TMEM132D: variants seen among roughly 807,000 people sequenced by gnomAD.
TMEM132D encodes mature OL transmembrane protein.
In TMEM132D, 21 loss-of-function variants were observed where a neutral mutation model predicts 62.3. The observed-to-expected ratio is 0.34, with a 90% confidence interval of 0.24 to 0.49. The LOEUF is 0.49. Among genes scored for constraint, TMEM132D ranks in the 20% least tolerant of loss-of-function variants. The pLI is 0.99. For synonymous variants in TMEM132D, 621 were observed against 575.6 expected (o/e 1.08, Z -1.13); for missense variants, 1,346 against 1,402.8 (o/e 0.96, Z 0.65).
intron 3 of TMEM132D, among the ~76,000 whole-genome samples, chr12:129,403,299 C>A (rs535737656): frequency 3.4e-5 from 5 of 146,542 alleles, no homozygotes; most frequent in Admixed American, 7.0e-5. Context: ...AACTGGCTTT[C>A]GAAAATACTC....
intron 1 of TMEM132D, among the ~76,000 whole-genome samples, chr12:129,893,903 A>G (rs1009828705): frequency 3.9e-5 from 6 of 152,246 alleles, no homozygotes; most frequent in African/African-American, 1.2e-4. Flanking sequence ...CCCATCCCTC[A>G]GTGGATGGAT....
rs992789590 is a variant in TMEM132D at position 129,747,276 on chromosome 12, C to A, written c.80-46578G>T. Reference sequence around the variant, plus strand: ...GGGCAGCTGCCAGCCCAGCTTGGACCTTTCCATCCGCCTCAAGTTGACTTT... The same window carrying A: ...GGGCAGCTGCCAGCCCAGCTTGGACATTTCCATCCGCCTCAAGTTGACTTT... On this transcript the variant is annotated intron_variant, in intron 1 of 8. Transcript: ENST00000422113. 5.0e-5 allele frequency among the ~76,000 whole-genome samples: 3 copies of A among 60,246 alleles called. No individual in the cohort carries two copies. In the South Asian group the frequency reaches 1.9e-3, roughly 38 times the overall value. The allele number at this position is 60,246 out of a possible 152,430, so 39.5% of individuals were successfully genotyped here. A position where few individuals can be genotyped will look rare whatever the true frequency, so the allele number is the denominator to read the frequency against.
chr12:129,147,275 T>C (rs1876933628), intron 5 of TMEM132D, among the ~76,000 whole-genome samples: 1 of 150,276 alleles, frequency 6.7e-6, no homozygotes. Flanking sequence ...TGCATATGTA[T>C]ATATATACAT....
At chr12:129,646,325 C>G (rs1879777378) in intron 2 of TMEM132D, among the ~76,000 whole-genome samples, 1 of 152,118 alleles carries the variant, frequency 6.6e-6, no homozygotes, top group South Asian at 2.1e-4. Context: ...GCAGTATGTC[C>G]AAGAGGATAA....
chr12:129,629,525 C>T (rs962992907), intron 2 of TMEM132D, among the ~76,000 whole-genome samples: 10 of 152,182 alleles, frequency 6.6e-5, no homozygotes, highest in African/African-American at 1.9e-4. Context: ...GATCCCATCT[C>T]GGTTTAACTC....
At chr12:129,638,479 T>C (rs957376344) in intron 2 of TMEM132D, among the ~76,000 whole-genome samples, 15 of 109,842 alleles carry the variant, frequency 1.4e-4, no homozygotes, top group Non-Finnish European at 2.6e-4. Context: ...ACTATATATA[T>C]AGTGTGATTT....
chr12:129,263,644 G>GGAAGGGA (rs1424369335), intron 4 of TMEM132D, among the ~76,000 whole-genome samples: 2 of 151,988 alleles, frequency 1.3e-5, no homozygotes, highest in Admixed American at 6.6e-5. Context: ...GAGGGAGGGA[G>GGAAGGGA]GAAGGGAGAA....
chr12:129,219,881 G>A (rs572941621), intron 4 of TMEM132D, among the ~76,000 whole-genome samples: 1 of 152,124 alleles, frequency 6.6e-6, no homozygotes, highest in Non-Finnish European at 1.5e-5. Flanking sequence ...ACCATACAGG[G>A]AGCTGGCCTT....
intron 2 of TMEM132D, among the ~76,000 whole-genome samples, chr12:129,620,119 C>T (rs1171769169): frequency 6.6e-6 from 1 of 152,192 alleles, no homozygotes; most frequent in Non-Finnish European, 1.5e-5. Flanking sequence ...TTCTGCACAT[C>T]CTTTCAAGTC....
intron 2 of TMEM132D, among the ~76,000 whole-genome samples, chr12:129,695,018 A>T (rs890565933): frequency 2.0e-5 from 3 of 152,308 alleles, no homozygotes; most frequent in Admixed American, 6.5e-5. Flanking sequence ...AAAAAAATAA[A>T]AAATAAATAA....
At chr12:129,850,827 C>T (rs1025314392) in intron 1 of TMEM132D, among the ~76,000 whole-genome samples, 10 of 152,192 alleles carry the variant, frequency 6.6e-5, no homozygotes, top group Non-Finnish European at 1.5e-4. Context: ...CAATGCCACA[C>T]ACACTGGGGA....
intron 4 of TMEM132D, among the ~76,000 whole-genome samples, chr12:129,222,987 G>C (rs1879387111): frequency 6.6e-6 from 1 of 152,082 alleles, no homozygotes; most frequent in South Asian, 2.1e-4. Flanking sequence ...ATGTATATAT[G>C]TATCAAGACA....
intron 2 of TMEM132D, among the ~76,000 whole-genome samples, chr12:129,650,977 T>C (rs1403005540): frequency 6.6e-6 from 1 of 152,194 alleles, no homozygotes; most frequent in African/African-American, 2.4e-5. Context: ...AAAATCCATA[T>C]TACCTTCTAG....
At chr12:129,605,269 G>C (rs1002707167) in intron 2 of TMEM132D, among the ~76,000 whole-genome samples, 1 of 151,996 alleles carries the variant, frequency 6.6e-6, no homozygotes, top group Non-Finnish European at 1.5e-5. Flanking sequence ...GCACTTGTGG[G>C]GACATTAGTT....
intron 5 of TMEM132D, among the ~76,000 whole-genome samples, chr12:129,090,095 C>T (rs932741825): frequency 1.3e-5 from 2 of 152,208 alleles, no homozygotes; most frequent in Admixed American, 1.3e-4. Flanking sequence ...TATGAGCTTC[C>T]GTCTCCAGGG....
chr12:129,770,189 G>A (rs976995435), intron 1 of TMEM132D, among the ~76,000 whole-genome samples: 3 of 125,976 alleles, frequency 2.4e-5, no homozygotes, highest in Non-Finnish European at 4.7e-5. Context: ...TGTCACTCAG[G>A]CTGGAGTGCA....
intron 3 of TMEM132D, among the ~76,000 whole-genome samples, chr12:129,443,460 G>C (rs1208044430): frequency 6.6e-6 from 1 of 152,110 alleles, no homozygotes; most frequent in Non-Finnish European, 1.5e-5. Context: ...TGAGTTTGGT[G>C]AGCGATGGCC....
At chr12:129,215,084 A>G (rs941713456) in intron 4 of TMEM132D, among the ~76,000 whole-genome samples, 1 of 152,230 alleles carries the variant, frequency 6.6e-6, no homozygotes, top group Non-Finnish European at 1.5e-5. Flanking sequence ...GGTAGACTGG[A>G]TAGAGAAAAT....
chr12:129,124,861 C>A (rs1356263390), intron 5 of TMEM132D, among the ~76,000 whole-genome samples: 1 of 152,186 alleles, frequency 6.6e-6, no homozygotes, highest in Non-Finnish European at 1.5e-5. Context: ...ATCCCCAGAA[C>A]TTTCAAGAGC....
Sources: gnomAD v4.1 joint callset for allele counts (sites outside exome capture counted in the v4.1 genomes callset) on GRCh38, gnomAD v4.1.1 for gene constraint, MANE v1.5 for transcripts, NCBI Gene and HGNC (gene_info 2026-07-23, HGNC 2026-07-21) for gene names.